AP3S2: variants seen among roughly 807,000 people sequenced by gnomAD.
AP3S2 encodes adaptor related protein complex 3 subunit sigma 2, also known as AP-3 complex subunit sigma-2.
A neutral mutation model predicts 23.4 loss-of-function variants in AP3S2; 22 were observed. The ratio of observed to expected loss-of-function variants is 0.94; its 90% CI spans 0.67 to 1.34. The LOEUF is 1.34. AP3S2 is among the 40% of genes most tolerant of loss of function. The pLI is 0.00. For synonymous variants in AP3S2, 86 were observed against 87.1 expected, an observed-to-expected ratio of 0.99 and a Z score of 0.07; for missense variants, 241 against 236.9, an observed-to-expected ratio of 1.02 and a Z score of -0.11.
rs1009521401 is a variant in AP3S2 at position 89,878,039 on chromosome 15, C to G, written c.274-6493G>C. On this transcript the variant is annotated intron_variant, in intron 3 of 5. Coordinates refer to ENST00000336418, the MANE Select transcript of AP3S2 (RefSeq NM_005829.5). ...GCTGTAGGTAGAATGAAATCTCATA[C>G]ATGCATTTTTTTGTGTCTGTTATCT... Among the ~76,000 whole-genome samples, 9 of 152,270 alleles carry G rather than the reference C, an allele frequency of 5.9e-5. No individual in the cohort carries two copies. In the East Asian group the frequency reaches 1.2e-3, roughly 20 times the overall value.
chr15:89,844,978 T>C (rs1197154970), intron 4 of AP3S2, among the ~76,000 whole-genome samples: 1 of 152,132 alleles, frequency 6.6e-6, no homozygotes, highest in Admixed American at 6.5e-5. Context: ...CGATCTCGGC[T>C]CACTGCAGCC....
chr15:89,871,444 T>C, intron 4 of AP3S2, 31 bp downstream of exon 4: 1 of 1,598,718 alleles, frequency 6.3e-7, no homozygotes, highest in Non-Finnish European at 8.5e-7. Context: ...CTAGTAACCC[T>C]AGTTTGGAAG....
At chr15:89,853,757 C>T (rs1363083861) in intron 4 of AP3S2, among the ~76,000 whole-genome samples, 2 of 116,888 alleles carry the variant, frequency 1.7e-5, no homozygotes, top group African/African-American at 3.4e-5. Context: ...GCCTCTGCCC[C>T]GCTGCCCCAT....
At position 89,885,905 on chromosome 15, in the gene AP3S2, C is replaced by T. The variant is rs141667260; in HGVS notation, c.273+2616G>A. On this transcript the variant is annotated intron_variant, in intron 3 of 5. Coordinates refer to ENST00000336418, the MANE Select transcript of AP3S2 (RefSeq NM_005829.5). The stretch of plus-strand genomic sequence containing the variant: ...GCAGTGAGCTGTGATCACACTACTG[C>T]ACTACAGTTTGAGAGCAAGACCTTG... 2.8e-3 allele frequency among the ~76,000 whole-genome samples: 373 copies of T among 135,054 alleles called. 16 individuals carry two copies. In the East Asian group the frequency reaches 0.059, roughly 21 times the overall value. 88.6% of individuals were successfully genotyped at this position (135,054 alleles called of 152,430 possible). A position where few individuals can be genotyped will look rare whatever the true frequency, so the allele number is the denominator to read the frequency against.
chr15:89,870,697 A>T (rs1896298335), intron 4 of AP3S2, among the ~76,000 whole-genome samples: 1 of 152,210 alleles, frequency 6.6e-6, no homozygotes, highest in Non-Finnish European at 1.5e-5. Flanking sequence ...CTTAGCAATG[A>T]GCAGCAGTCT....
In AP3S2 at chr15:89,854,016, G is replaced by A. The variant is rs1410248682; in HGVS notation, c.346-16294C>T. 1.2e-4 allele frequency among the ~76,000 whole-genome samples: 6 copies of A among 51,216 alleles called. No homozygotes were observed. The East Asian group carries it at 2.5e-3, about 21-fold the overall frequency. The allele number at this position is 51,216 out of a possible 152,430, so 33.6% of individuals were successfully genotyped here. A position where few individuals can be genotyped will look rare whatever the true frequency, so the allele number is the denominator to read the frequency against. On this transcript the variant is annotated intron_variant, in intron 4 of 5. Transcript: ENST00000336418. Reference sequence around the variant, plus strand: ...GGCAGCCACCCCGTCCGGGAGGGACGTGGGGGGGGGGTCAGCCCCCCGCCC... The same window carrying A: ...GGCAGCCACCCCGTCCGGGAGGGACATGGGGGGGGGGTCAGCCCCCCGCCC...
At chr15:89,849,709 T>C (rs1198173462) in intron 4 of AP3S2, among the ~76,000 whole-genome samples, 2 of 152,130 alleles carry the variant, frequency 1.3e-5, no homozygotes, top group South Asian at 4.2e-4. Context: ...CTTTAAGTTC[T>C]GGGGTACATG....
At position 89,882,555 on chromosome 15, in the gene AP3S2, C is replaced by T. The variant is rs188572910; in HGVS notation, c.273+5966G>A. 1.6e-3 allele frequency among the ~76,000 whole-genome samples: 247 copies of T among 152,154 alleles called. 1 individual carries two copies. The highest frequency in any genetic ancestry group is 5.7e-3 in the African/African-American group (237 of 41,530). Reference sequence around the variant, plus strand: ...TATTTTTAGTAGAGACGGGGTTTCTCCATGTTGGCTAGGCTGGTCTCAAAG... The same window carrying T: ...TATTTTTAGTAGAGACGGGGTTTCTTCATGTTGGCTAGGCTGGTCTCAAAG... On this transcript the variant is annotated intron_variant, in intron 3 of 5. Transcript: ENST00000336418.
At chr15:89,879,495 T>C (rs1250902622) in intron 3 of AP3S2, among the ~76,000 whole-genome samples, 3 of 152,170 alleles carry the variant, frequency 2.0e-5, no homozygotes, top group Admixed American at 1.3e-4. Flanking sequence ...GATACATCCA[T>C]ATTATGGAAA....
intron 4 of AP3S2, chr15:89,848,904 A>C (rs1451644708): frequency 1.3e-5 from 2 of 152,184 alleles, no homozygotes; most frequent in Non-Finnish European, 2.9e-5. Context: ...AAGAGGAAGA[A>C]GATATCTTTA....
At chr15:89,871,654 A>G in intron 3 of AP3S2, 108 bp from the exon 4 acceptor site, 1 of 1,145,768 alleles carries the variant, frequency 8.7e-7, no homozygotes, top group South Asian at 1.5e-5. Context: ...TATTTACTTT[A>G]TGATAAATCT....
At chr15:89,880,658 A>G (rs1422449612) in intron 3 of AP3S2, among the ~76,000 whole-genome samples, 1 of 145,498 alleles carries the variant, frequency 6.9e-6, no homozygotes, top group African/African-American at 2.5e-5. Context: ...TGGGCAACAG[A>G]GCAAGACTCC....
At chr15:89,839,532 A>G (rs1895275433) in intron 4 of AP3S2, among the ~76,000 whole-genome samples, 1 of 152,252 alleles carries the variant, frequency 6.6e-6, no homozygotes, top group African/African-American at 2.4e-5. Flanking sequence ...CTGGTTTTAA[A>G]ATTATTCCCT....
At chr15:89,870,838 A>C (rs2141880799) in intron 4 of AP3S2, among the ~76,000 whole-genome samples, 1 of 152,334 alleles carries the variant, frequency 6.6e-6, no homozygotes, top group African/African-American at 2.4e-5. Context: ...AAGTTGAATA[A>C]AATAAACATG....
intron 3 of AP3S2, chr15:89,878,438 A>G (rs1896493690): frequency 2.1e-6 from 1 of 477,388 alleles, no homozygotes; most frequent in East Asian, 3.4e-5. Context: ...AAGTGGACAA[A>G]TATCGTAGAC....
intron 4 of AP3S2, among the ~76,000 whole-genome samples, chr15:89,858,523 G>GAGAGGGAAAGAA (rs1555446558): frequency 3.7e-5 from 2 of 53,698 alleles, no homozygotes; most frequent in Admixed American, 5.1e-4. Flanking sequence ...GAGAGAGAGA[G>GAGAGGGAAAGAA]AGAAAGAAAG....
chr15:89,877,502 C>G, intron 3 of AP3S2: 2 of 769,374 alleles, frequency 2.6e-6, no homozygotes, highest in South Asian at 2.8e-5. Context: ...CATTCGATAA[C>G]GTTCATAATG....
Position 89,834,632 on chromosome 15 carries a change from C to G in AP3S2, c.*883G>C, listed in dbSNP as rs943443135. On this transcript the variant is annotated 3_prime_UTR_variant, in exon 6 of 6. Transcript: ENST00000336418. ...GGATTCTGGTGGCCGGGCACGGTGG[C>G]TCACACCTGTAATGCCAGCACTTTG... 1 of 152,288 alleles carries G rather than the reference C, an allele frequency of 6.6e-6. No individual in the cohort carries two copies. The highest frequency in any genetic ancestry group is 2.4e-5 in the African/African-American group (1 of 41,446). 9.4% of individuals were successfully genotyped at this position (152,288 alleles called of 1,614,324 possible). A position where few individuals can be genotyped will look rare whatever the true frequency, so the allele number is the denominator to read the frequency against.
At position 89,864,290 on chromosome 15, in the gene AP3S2, T is replaced by C. The variant is rs533056836; in HGVS notation, c.345+7185A>G. Among the ~76,000 whole-genome samples the C allele has an allele frequency of 2.0e-5, 3 of 152,306 alleles. No homozygotes were observed. In the East Asian group the frequency reaches 5.8e-4, roughly 29 times the overall value. On this transcript the variant is annotated intron_variant, in intron 4 of 5. Coordinates refer to ENST00000336418, the MANE Select transcript of AP3S2 (RefSeq NM_005829.5). Reference sequence around the variant, plus strand: ...GCTTTAGCAGGCATCCTTACAGATGTTTACAAAACAGTATTAGAATGATGA... The same window carrying C: ...GCTTTAGCAGGCATCCTTACAGATGCTTACAAAACAGTATTAGAATGATGA...
Sources: allele counts gnomAD v4.1 joint callset (sites outside exome capture counted in the v4.1 genomes callset), GRCh38; gene constraint gnomAD v4.1.1; transcripts MANE v1.5; gene names NCBI Gene and HGNC (gene_info 2026-07-23, HGNC 2026-07-21).